Variants in ZNF512 observed in about 807,000 individuals in gnomAD.
ZNF512 encodes the protein zinc finger protein 512.
A neutral mutation model predicts 77.5 loss-of-function variants in ZNF512; 25 were observed. The ratio of observed to expected loss-of-function variants is 0.32; its 90% CI spans 0.23 to 0.45. The LOEUF (loss-of-function observed/expected upper bound fraction) is 0.45. Ranked by LOEUF, ZNF512 falls within the 20% of genes least tolerant of loss-of-function variation. ZNF512 has a pLI of 1.00. For synonymous variants in ZNF512, 246 were observed against 239.9 expected, an observed-to-expected ratio of 1.03 and a Z score of -0.24; for missense variants, 483 against 692.6, an observed-to-expected ratio of 0.70 and a Z score of 3.40.
chr2:27,586,214 T>TTTGTTG (rs70953868), intron 2 of ZNF512, among the ~76,000 whole-genome samples: 10,050 of 149,428 alleles, frequency 0.067, 535 homozygotes, highest in African/African-American at 0.15. Flanking sequence ...CCATCAAGTC[T>TTTGTTG]TTGTTGTTGT....
At chr2:27,621,001 T>C in intron 13 of ZNF512, 152 bp from the exon 14 acceptor site, 2 of 849,218 alleles carry the variant, frequency 2.4e-6, no homozygotes, top group Non-Finnish European at 3.6e-6. Context: ...TTTCTCCATC[T>C]TAAAATATAG....
At chr2:27,619,935 T>C (rs1467427443) in intron 13 of ZNF512, among the ~76,000 whole-genome samples, 1 of 152,178 alleles carries the variant, frequency 6.6e-6, no homozygotes, top group Non-Finnish European at 1.5e-5. Flanking sequence ...GTCTAGTTAT[T>C]ATTTAAATTT....
intron 1 of ZNF512, 52 bp downstream of exon 1, chr2:27,583,194 G>A: frequency 6.2e-7 from 1 of 1,613,066 alleles, no homozygotes. Context: ...TGTCGAGCCC[G>A]GAACACGCGG....
At chr2:27,586,351 TC>T (rs1448320450) in intron 2 of ZNF512, among the ~76,000 whole-genome samples, 1 of 152,126 alleles carries the variant, frequency 6.6e-6, no homozygotes, top group African/African-American at 2.4e-5. Context: ...TGCCTCAGCC[TC>T]CCGAGTAGCT....
At chr2:27,614,946 T>G (rs1672820527) in intron 10 of ZNF512, among the ~76,000 whole-genome samples, 1 of 152,152 alleles carries the variant, frequency 6.6e-6, no homozygotes, top group Admixed American at 6.5e-5. Context: ...TATATCTGAG[T>G]CTCTTGTCCT....
At chr2:27,583,284 C>A in intron 1 of ZNF512, 142 bp downstream of exon 1, 1 of 1,363,934 alleles carries the variant, frequency 7.3e-7, no homozygotes, top group Non-Finnish European at 1.0e-6. Context: ...GATCACCTGT[C>A]CCTTTTTCTT....
intron 13 of ZNF512, among the ~76,000 whole-genome samples, chr2:27,617,780 C>T (rs894711746): frequency 1.3e-5 from 2 of 151,960 alleles, no homozygotes; most frequent in African/African-American, 4.8e-5. Flanking sequence ...GGCGGGGTGG[C>T]TTATGCCTCT....
At chr2:27,591,741 C>G (rs1349000168) in intron 2 of ZNF512, among the ~76,000 whole-genome samples, 1 of 152,194 alleles carries the variant, frequency 6.6e-6, no homozygotes, top group African/African-American at 2.4e-5. Flanking sequence ...CAAGGTCTTG[C>G]TATGTTGCCC....
rs35177132 is a variant in ZNF512, at chr2:27,606,998, G to T, written c.937-847G>T. On this transcript the variant is annotated intron_variant, in intron 9 of 13. Coordinates refer to ENST00000355467, the MANE Select transcript of ZNF512 (RefSeq NM_032434.4). ...TTCCCTGGCTCATGGCTGTCTTCAA[G>T]TCAGAGACAGCAGGTTGGATGTCTC... Among the ~76,000 whole-genome samples, 653 of 152,168 alleles carry T rather than the reference G, an allele frequency of 4.3e-3. 2 individuals are homozygous for T. Among genetic ancestry groups the T allele is most frequent in the Middle Eastern group, 0.01 (3 of 294 alleles).
At chr2:27,594,849 T>C (rs1194502093) in intron 2 of ZNF512, among the ~76,000 whole-genome samples, 4 of 152,122 alleles carry the variant, frequency 2.6e-5, no homozygotes, top group Non-Finnish European at 5.9e-5. Flanking sequence ...ACATTGAGCA[T>C]TGAGTGAGCA....
intron 10 of ZNF512, among the ~76,000 whole-genome samples, chr2:27,610,829 C>CATGGAGAAGGGCCAACATGCTGG (rs1672626551): frequency 6.6e-6 from 1 of 151,342 alleles, no homozygotes; most frequent in Non-Finnish European, 1.5e-5. Flanking sequence ...GCCTCGGCCT[C>CATGGAGAAGGGCCAACATGCTGG]CTGAAGTGCT....
In ZNF512 at chr2:27,597,142, C is replaced by T. The variant is rs547552912; in HGVS notation, c.90-925C>T. On this transcript the variant is annotated intron_variant, in intron 2 of 13. Coordinates refer to ENST00000355467, the MANE Select transcript of ZNF512 (RefSeq NM_032434.4). ...ATGGTCACTGTGTTACTTCCAACTC[C>T]CTGATGTCATAAGCAAACCTCTCTA... Among the ~76,000 whole-genome samples, 4 of 152,188 alleles carry T rather than the reference C, an allele frequency of 2.6e-5. No homozygotes were observed. In the East Asian group the frequency reaches 7.7e-4, roughly 29 times the overall value.
chr2:27,606,074 T>C (rs1672341707), intron 9 of ZNF512, among the ~76,000 whole-genome samples: 1 of 132,030 alleles, frequency 7.6e-6, no homozygotes, highest in African/African-American at 2.9e-5. Context: ...TGCTTAATCT[T>C]GTTGACCATC....
intron 7 of ZNF512, among the ~76,000 whole-genome samples, chr2:27,602,112 A>C (rs757228268): frequency 6.6e-6 from 1 of 152,128 alleles, no homozygotes; most frequent in East Asian, 1.9e-4. Flanking sequence ...GTGAGTGTAG[A>C]TATCTCAGTG....
chr2:27,597,255 C>T (rs1211416552), intron 2 of ZNF512, among the ~76,000 whole-genome samples: 1 of 152,162 alleles, frequency 6.6e-6, no homozygotes, highest in Non-Finnish European at 1.5e-5. Flanking sequence ...TACTCTTTCT[C>T]CCATGGGCTG....
intron 2 of ZNF512, among the ~76,000 whole-genome samples, chr2:27,596,866 T>C (rs1671894587): frequency 6.6e-6 from 1 of 152,242 alleles, no homozygotes; most frequent in Non-Finnish European, 1.5e-5. Flanking sequence ...GGAAACTGTA[T>C]AAACAAGTGT....
chr2:27,617,787 C>G (rs562460443), intron 13 of ZNF512, among the ~76,000 whole-genome samples: 1 of 151,946 alleles, frequency 6.6e-6, no homozygotes, highest in Non-Finnish European at 1.5e-5. Flanking sequence ...TGGCTTATGC[C>G]TCTAATCCCA....
rs1230561288 is a variant in ZNF512 at position 27,593,734 on chromosome 2, CT to C, written c.90-4323del. ...TGACCAAACGTGGGGGATTTTCCAC[CT>C]TTTTTTTTTCAAATGTATTTTTCTG... On this transcript the variant is annotated intron_variant, in intron 2 of 13. Coordinates refer to ENST00000355467, the MANE Select transcript of ZNF512 (RefSeq NM_032434.4). Among the ~76,000 whole-genome samples, 14 of 142,548 alleles carry C rather than the reference CT, an allele frequency of 9.8e-5. No homozygotes were observed. The East Asian group carries it at 2.0e-3, about 21-fold the overall frequency. The allele number at this position is 142,548 out of a possible 152,430, so 93.5% of individuals were successfully genotyped here.
intron 10 of ZNF512, among the ~76,000 whole-genome samples, chr2:27,612,421 T>C (rs1453421928): frequency 3.3e-5 from 5 of 152,094 alleles, no homozygotes; most frequent in Admixed American, 3.3e-4. Flanking sequence ...TGGAGTGTCA[T>C]TGTTTCTGTG....
Sources: allele counts gnomAD v4.1 joint callset (sites outside exome capture counted in the v4.1 genomes callset), GRCh38; gene constraint gnomAD v4.1.1; transcripts MANE v1.5; gene names NCBI Gene and HGNC (gene_info 2026-07-23, HGNC 2026-07-21).